SDK1: variants seen among roughly 807,000 people sequenced by gnomAD.
SDK1 encodes the protein protein sidekick-1.
A neutral mutation model predicts 245.5 loss-of-function variants in SDK1; 157 were observed. The observed-to-expected ratio is 0.64, with a 90% CI of 0.56 to 0.73. The LOEUF is 0.73. Among genes scored for constraint, SDK1 ranks in the 30% least tolerant of loss-of-function variants. The pLI, the probability that SDK1 is intolerant of heterozygous loss-of-function variation, is 0.00. For synonymous variants in SDK1, 1,647 were observed against 1,278.5 expected (o/e 1.29, Z -6.15); for missense variants, 3,583 against 3,002.3 (o/e 1.19, Z -4.52).
At chr7:3,513,589 A>G (rs1782647802) in intron 1 of SDK1, among the ~76,000 whole-genome samples, 1 of 152,208 alleles carries the variant, frequency 6.6e-6, no homozygotes, top group South Asian at 2.1e-4. Flanking sequence ...GTTTTAAATT[A>G]TTAGTGGGCA....
At chr7:3,535,589 C>A (rs548515503) in intron 1 of SDK1, among the ~76,000 whole-genome samples, 1 of 152,098 alleles carries the variant, frequency 6.6e-6, no homozygotes. Context: ...AAAGCGCGGG[C>A]CTTCTATAAC....
At chr7:4,079,426 T>A in intron 21 of SDK1, 37 bp from the exon 22 acceptor site, 1 of 1,612,204 alleles carries the variant, frequency 6.2e-7, no homozygotes, top group Admixed American at 1.7e-5. Context: ...TGTGACGGAC[T>A]GTAAATCTCT....
intron 1 of SDK1, among the ~76,000 whole-genome samples, chr7:3,473,837 C>A (rs1000800771): frequency 6.6e-6 from 1 of 152,018 alleles, no homozygotes; most frequent in Non-Finnish European, 1.5e-5. Flanking sequence ...GTATGGTCTG[C>A]CTATATTTTT....
chr7:3,648,441 A>G (rs1027715675), intron 4 of SDK1, among the ~76,000 whole-genome samples: 1 of 152,246 alleles, frequency 6.6e-6, no homozygotes, highest in Non-Finnish European at 1.5e-5. Context: ...TCAAACCTTC[A>G]GTCAGCTTTG....
At chr7:3,534,270 A>G (rs994952372) in intron 1 of SDK1, among the ~76,000 whole-genome samples, 4 of 151,874 alleles carry the variant, frequency 2.6e-5, no homozygotes, top group Non-Finnish European at 5.9e-5. Flanking sequence ...TATATACTAC[A>G]TTTTCTTTAC....
In SDK1 at chr7:3,445,898, G is replaced by T. The variant is rs7789842; in HGVS notation, c.298+144014G>T. On this transcript the variant is annotated intron_variant, in intron 1 of 44. Transcript: ENST00000404826. ...GTTCTAATATTCTCTTATCACTTTT[G>T]TTTTTTTCAACTTTCTTTACATATT... 9.1e-3 allele frequency among the ~76,000 whole-genome samples: 1,374 copies of T among 150,714 alleles called. 25 individuals are homozygous for T. The highest frequency in any genetic ancestry group is 0.031 in the African/African-American group (1,290 of 41,048).
rs552881053 is a variant in SDK1 at position 3,660,214 on chromosome 7, A to T, written c.713+18109A>T. Among the ~76,000 whole-genome samples, 6 of 152,238 alleles carry T rather than the reference A, an allele frequency of 3.9e-5. No individual in the cohort carries two copies. In the East Asian group the frequency reaches 1.2e-3, roughly 29 times the overall value. ...ACTGCTGAGGAGCTCTACCATGCAGAGCAGGGTAGAGAAATAAGACACCCA... is the reference window on the plus strand; with the variant it reads ...ACTGCTGAGGAGCTCTACCATGCAGTGCAGGGTAGAGAAATAAGACACCCA... On this transcript the variant is annotated intron_variant, in intron 4 of 44. Transcript: ENST00000404826.
At chr7:4,011,453 G>T (rs1366517180) in intron 15 of SDK1, among the ~76,000 whole-genome samples, 1 of 152,204 alleles carries the variant, frequency 6.6e-6, no homozygotes, top group Non-Finnish European at 1.5e-5. Context: ...CCCACTGCCG[G>T]GTGGACGCTG....
intron 1 of SDK1, among the ~76,000 whole-genome samples, chr7:3,493,825 C>T (rs1349871496): frequency 6.6e-6 from 1 of 152,212 alleles, no homozygotes; most frequent in Non-Finnish European, 1.5e-5. Flanking sequence ...GAATCTGTCT[C>T]TACATGGAAT....
intron 17 of SDK1, among the ~76,000 whole-genome samples, chr7:4,039,054 A>G (rs975448123): frequency 6.6e-6 from 1 of 152,014 alleles, no homozygotes; most frequent in African/African-American, 2.4e-5. Context: ...ACGTAAGGAC[A>G]AAAAACCAAA....
intron 1 of SDK1, among the ~76,000 whole-genome samples, chr7:3,361,222 G>A (rs138993337): frequency 8.5e-5 from 13 of 152,294 alleles, no homozygotes; most frequent in African/African-American, 2.9e-4. Context: ...GAAACGGGAG[G>A]ATTGCACTCG....
intron 19 of SDK1, among the ~76,000 whole-genome samples, chr7:4,064,852 A>G (rs368010972): frequency 6.6e-6 from 1 of 152,102 alleles, no homozygotes; most frequent in Non-Finnish European, 1.5e-5. Flanking sequence ...TAAAAGGCCA[A>G]TCTCATGGAG....
chr7:3,562,384 G>C (rs549973101), intron 1 of SDK1, among the ~76,000 whole-genome samples: 1 of 152,076 alleles, frequency 6.6e-6, no homozygotes, highest in Non-Finnish European at 1.5e-5. Flanking sequence ...CCTAGGTTTC[G>C]GTCTCAGCCA....
intron 1 of SDK1, among the ~76,000 whole-genome samples, chr7:3,448,754 A>G (rs1439620830): frequency 1.3e-5 from 2 of 152,324 alleles, no homozygotes; most frequent in African/African-American, 2.4e-5. Context: ...AGTACTTTAA[A>G]AAAATATTTA....
At chr7:4,264,208 G>A (rs78255223) in intron 44 of SDK1, among the ~76,000 whole-genome samples, 6,174 of 25,738 alleles carry the variant, frequency 0.24, 794 homozygotes, top group African/African-American at 0.42. Context: ...CTCCTGAGTG[G>A]GGGAGGCCGC....
chr7:4,080,637 G>A (rs920636465), intron 22 of SDK1, among the ~76,000 whole-genome samples: 1 of 152,112 alleles, frequency 6.6e-6, no homozygotes, highest in Non-Finnish European at 1.5e-5. Flanking sequence ...AATGGGGCTG[G>A]AACAATTATT....
chr7:4,121,194 T>G (rs1364697116), intron 25 of SDK1, among the ~76,000 whole-genome samples: 1 of 152,202 alleles, frequency 6.6e-6, no homozygotes, highest in Non-Finnish European at 1.5e-5. Context: ...CTACTGTGTT[T>G]TAATTAATAT....
At chr7:3,746,217 TTA>T (rs1779613989) in intron 4 of SDK1, among the ~76,000 whole-genome samples, 1 of 152,240 alleles carries the variant, frequency 6.6e-6, no homozygotes, top group Admixed American at 6.5e-5. Flanking sequence ...TGCAATAGCA[TTA>T]TGTCTAAAAA....
At chr7:3,847,038 G>A (rs763061404) in intron 5 of SDK1, among the ~76,000 whole-genome samples, 3 of 151,998 alleles carry the variant, frequency 2.0e-5, no homozygotes, top group Admixed American at 6.5e-5. Flanking sequence ...GACAGCTGCC[G>A]CTTAGTGTAA....
Sources: gnomAD v4.1 joint callset for allele counts (sites outside exome capture counted in the v4.1 genomes callset) on GRCh38, gnomAD v4.1.1 for gene constraint, MANE v1.5 for transcripts, NCBI Gene and HGNC (gene_info 2026-07-23, HGNC 2026-07-21) for gene names.